P2RX4: variants seen among roughly 807,000 people sequenced by gnomAD.
P2RX4 encodes the protein purinergic receptor P2X 4.
P2RX4 carries 37 observed loss-of-function variants against 48.0 expected under a neutral mutation model. The observed-to-expected ratio is 0.77, with a 90% CI of 0.59 to 1.01. The LOEUF (loss-of-function observed/expected upper bound fraction) is 1.01. P2RX4 is among the 50% of genes least tolerant of loss of function. The pLI is 0.00. For synonymous variants in P2RX4, 200 were observed against 199.7 expected, an observed-to-expected ratio of 1.00 and a Z score of -0.01; for missense variants, 501 against 521.4, an observed-to-expected ratio of 0.96 and a Z score of 0.38.
intron 2 of P2RX4, among the ~76,000 whole-genome samples, chr12:121,221,101 G>A (rs1252425387): frequency 6.6e-6 from 1 of 151,852 alleles, no homozygotes; most frequent in Non-Finnish European, 1.5e-5. Context: ...CCCCTGAGTA[G>A]CTGGGATTAC....
chr12:121,211,395 G>A (rs1885835074), intron 1 of P2RX4, among the ~76,000 whole-genome samples: 1 of 152,010 alleles, frequency 6.6e-6, no homozygotes, highest in Non-Finnish European at 1.5e-5. Context: ...GTAGAGACGG[G>A]GTTTCAGGCT....
chr12:121,219,716 AAAGAG>A (rs1454031920), intron 2 of P2RX4, among the ~76,000 whole-genome samples: 8 of 152,120 alleles, frequency 5.3e-5, no homozygotes, highest in Admixed American at 1.3e-4. Context: ...GAAAGAAAGA[AAAGAG>A]AAGAGAAAAG....
intron 1 of P2RX4, among the ~76,000 whole-genome samples, chr12:121,210,747 C>A (rs1303745720): frequency 6.6e-6 from 1 of 152,186 alleles, no homozygotes; most frequent in Non-Finnish European, 1.5e-5. Flanking sequence ...CCACTTAACT[C>A]GAGCCTGGGA....
intron 1 of P2RX4, chr12:121,213,933 C>T (rs1454066620): frequency 6.6e-6 from 1 of 152,174 alleles, no homozygotes. Flanking sequence ...CCTGTGGTAG[C>T]TCACGCCTGT....
intron 11 of P2RX4, 30 bp from the exon 12 acceptor site, chr12:121,233,493 A>G: frequency 6.3e-7 from 1 of 1,599,968 alleles, no homozygotes. Context: ...TCCCAGGGGC[A>G]CCTTGATCTG....
intron 5 of P2RX4, among the ~76,000 whole-genome samples, chr12:121,224,238 G>C (rs2136233438): frequency 6.6e-6 from 1 of 152,306 alleles, no homozygotes; most frequent in Admixed American, 6.5e-5. Context: ...TTGGGGTTCT[G>C]TTACCAGAAA....
rs556044244 is a variant in P2RX4, at chr12:121,210,991, A to T, written c.134+693A>T. Among the ~76,000 whole-genome samples the T allele has an allele frequency of 3.9e-5, 6 of 152,150 alleles. No individual in the cohort carries two copies. The South Asian group carries it at 1.2e-3, about 32-fold the overall frequency. On this transcript the variant is annotated intron_variant, in intron 1 of 11. Coordinates refer to ENST00000337233, the MANE Select transcript of P2RX4 (RefSeq NM_002560.3). ...CTTTTGGTCATTTCTTTTGATCACT[A>T]TGCGGTGTCACTATGTGGTAGTAGC... is the stretch of plus-strand genomic sequence containing the variant.
chr12:121,233,781 C>G lies in P2RX4; in HGVS notation c.*232C>G. 9.7e-7 allele frequency: 1 copy of G among 1,028,618 alleles called. No homozygotes were observed. Among genetic ancestry groups the G allele is most frequent in the Non-Finnish European group, 1.4e-6 (1 of 729,656 alleles). 63.7% of individuals were successfully genotyped at this position (1,028,618 alleles called of 1,614,324 possible). A position where few individuals can be genotyped will look rare whatever the true frequency, so the allele number is the denominator to read the frequency against. On this transcript the variant is annotated 3_prime_UTR_variant, in exon 12 of 12. Transcript: ENST00000337233. ...TTGGCTGGGTCAACTCTGCTTTTCC[C>G]GCAACCTGGGGTTGTCGGGGGAGCG...
At chr12:121,228,263 C>T (rs570518314) in intron 5 of P2RX4, among the ~76,000 whole-genome samples, 1 of 150,724 alleles carries the variant, frequency 6.6e-6, no homozygotes, top group African/African-American at 2.4e-5. Context: ...CATAGTGGCT[C>T]ACACCTGTGT....
chr12:121,222,141 C>G lies in P2RX4; in HGVS notation c.402C>G (p.Ala134=). ...GTAAATCAGATGCCAGCTGTACTGC[C>G]GGCTCTGCCGGCACCCACAGCAACG... ...TVCKSDASCT[A]GSAGTHSNGV... Residue 134 remains alanine, a synonymous_variant, in exon 4 of 12, where the codon GCC becomes GCG. Coordinates refer to ENST00000337233, the MANE Select transcript of P2RX4 (RefSeq NM_002560.3). The G allele has an allele frequency of 6.3e-7, 1 of 1,585,210 alleles. No homozygotes were observed. Among genetic ancestry groups the G allele is most frequent in the Non-Finnish European group, 8.6e-7 (1 of 1,158,350 alleles).
rs1273489854 is a variant in P2RX4, at chr12:121,210,156, G to A, written c.-9G>A. ...ACCGACTAGGGGACTGGGAGCGGGC[G>A]GCGCGGCCATGGCGGGCTGCTGCGC... On this transcript the variant is annotated 5_prime_UTR_variant, in exon 1 of 12. Transcript: ENST00000337233. 3.3e-6 allele frequency: 5 copies of A among 1,521,824 alleles called. No homozygotes were observed. The highest frequency in any genetic ancestry group is 4.3e-5 in the Admixed American group (2 of 47,026). 94.3% of individuals were successfully genotyped at this position (1,521,824 alleles called of 1,614,324 possible).
In P2RX4 at chr12:121,233,858, G is replaced by A; in HGVS notation, c.*309G>A. On this transcript the variant is annotated 3_prime_UTR_variant, in exon 12 of 12. Coordinates refer to ENST00000337233, the MANE Select transcript of P2RX4 (RefSeq NM_002560.3). ...GGCTTTCAGGGCTGGAGCTGGCTTT[G>A]CTCAGAAGCCTCCTGTCTCCAGCTC... 1 of 481,066 alleles carries A rather than the reference G, an allele frequency of 2.1e-6. No individual in the cohort carries two copies. The highest frequency in any genetic ancestry group is 3.8e-6 in the Non-Finnish European group (1 of 266,492). The allele number at this position is 481,066 out of a possible 1,614,324, so 29.8% of individuals were successfully genotyped here. A position where few individuals can be genotyped will look rare whatever the true frequency, so the allele number is the denominator to read the frequency against.
intron 5 of P2RX4, among the ~76,000 whole-genome samples, chr12:121,224,680 A>G (rs1223207413): frequency 6.6e-6 from 1 of 152,084 alleles, no homozygotes; most frequent in East Asian, 1.9e-4. Context: ...GTTGCTCTAG[A>G]ATAACATTCT....
Position 121,217,347 on chromosome 12 carries a change from G to A in P2RX4, c.282+66G>A, listed in dbSNP as rs968542236. 12 of 1,525,594 alleles carry A rather than the reference G, an allele frequency of 7.9e-6. No homozygotes were observed. The Admixed American group carries it at 1.9e-4, about 24-fold the overall frequency. The allele number at this position is 1,525,594 out of a possible 1,614,324, so 94.5% of individuals were successfully genotyped here. On this transcript the variant is annotated intron_variant, in intron 2 of 11. Coordinates refer to ENST00000337233, the MANE Select transcript of P2RX4 (RefSeq NM_002560.3). Reference sequence around the variant, plus strand: ...TGCTCTTTACTGACTTTGCACACTTGATTAATGATTGACGTGGCCTGAGTC... The same window carrying A: ...TGCTCTTTACTGACTTTGCACACTTAATTAATGATTGACGTGGCCTGAGTC...
chr12:121,219,649 A>G (rs980657609), intron 2 of P2RX4, among the ~76,000 whole-genome samples: 14 of 150,952 alleles, frequency 9.3e-5, no homozygotes, highest in Middle Eastern at 3.4e-3. Context: ...AGATAGATAG[A>G]TAGATAGATG....
At position 121,212,366 on chromosome 12, in the gene P2RX4, C is replaced by T. The variant is rs561781044; in HGVS notation, c.134+2068C>T. On this transcript the variant is annotated intron_variant, in intron 1 of 11. Transcript: ENST00000337233. ...GCCAAGGTGGGAGGATTGCTTGAGGCCAGGAGCTCAAGACCAGCCTGGACA... is the reference window on the plus strand; with the variant it reads ...GCCAAGGTGGGAGGATTGCTTGAGGTCAGGAGCTCAAGACCAGCCTGGACA... Among the ~76,000 whole-genome samples the T allele has an allele frequency of 4.8e-4, 72 of 151,228 alleles. No homozygotes were observed. In the South Asian group the frequency reaches 0.015, roughly 31 times the overall value.
intron 5 of P2RX4, among the ~76,000 whole-genome samples, chr12:121,225,706 C>T (rs536761173): frequency 1.3e-5 from 2 of 151,742 alleles, no homozygotes; most frequent in African/African-American, 4.8e-5. Context: ...TCACCACGCC[C>T]GGCCCTGAAT....
chr12:121,226,656 G>A (rs1489559422), intron 5 of P2RX4, among the ~76,000 whole-genome samples: 1 of 152,202 alleles, frequency 6.6e-6, no homozygotes, highest in Non-Finnish European at 1.5e-5. Context: ...TTAATTTTAT[G>A]TTATGTGAAT....
Position 121,221,895 on chromosome 12 carries a change from G to T in P2RX4, c.283-18G>T, listed in dbSNP as rs1245587242. The T allele has an allele frequency of 6.2e-7, 1 of 1,613,190 alleles. No individual in the cohort carries two copies. The highest frequency in any genetic ancestry group is 8.5e-7 in the Non-Finnish European group (1 of 1,179,172). On this transcript the variant is annotated intron_variant, in intron 2 of 11. Transcript: ENST00000337233. Reference sequence around the variant, plus strand: ...AGTCCTCTGAGCGTGGCTTGCCCGTGCTGTCTCCCCTCTGCAGGAGGAAAA... The same window carrying T: ...AGTCCTCTGAGCGTGGCTTGCCCGTTCTGTCTCCCCTCTGCAGGAGGAAAA...
Sources: gnomAD v4.1 joint callset for allele counts (sites outside exome capture counted in the v4.1 genomes callset) on GRCh38, gnomAD v4.1.1 for gene constraint, MANE v1.5 for transcripts, NCBI Gene and HGNC (gene_info 2026-07-23, HGNC 2026-07-21) for gene names.